Variants in SPATA1 observed in about 807,000 individuals in gnomAD.
The protein encoded by SPATA1 is spermatogenesis associated 1, also known as spermatogenesis-associated protein 1.
A neutral mutation model predicts 59.6 loss-of-function variants in SPATA1; 57 were observed. The ratio of observed to expected loss-of-function variants is 0.96; its 90% CI spans 0.77 to 1.19. The LOEUF is 1.19. SPATA1 is among the 50% of genes most tolerant of loss of function. SPATA1 has a pLI of 0.00. For synonymous variants in SPATA1, 147 were observed against 163.9 expected (o/e 0.90, Z 0.79); for missense variants, 448 against 480.7 (o/e 0.93, Z 0.64).
At chr1:84,554,538 T>C (rs1684370404) in exon 13 of SPATA1, 2 of 158,268 alleles carry the variant, frequency 1.3e-5, no homozygotes, top group African/African-American at 2.4e-5. Flanking sequence ...CACTACATTG[T>C]AGGTTTTAAA....
chr1:84,515,868 T>C (rs1390738913), intron 1 of SPATA1, among the ~76,000 whole-genome samples: 2 of 152,198 alleles, frequency 1.3e-5, no homozygotes, highest in Non-Finnish European at 2.9e-5. Context: ...ACTAAAACTT[T>C]AGGCATGCTT....
intron 2 of SPATA1, among the ~76,000 whole-genome samples, chr1:84,517,538 C>T (rs1048920165): frequency 1.3e-5 from 2 of 152,008 alleles, no homozygotes; most frequent in African/African-American, 4.8e-5. Flanking sequence ...ATTTTTTTCC[C>T]TTCCCTAAAA....
At chr1:84,566,766 G>C (rs1054274129), downstream of SPATA1, among the ~76,000 whole-genome samples, 3 of 152,242 alleles carry the variant, frequency 2.0e-5, no homozygotes, top group African/African-American at 7.2e-5. Context: ...CCACATAGCT[G>C]GGATTACAGG....
intron 11 of SPATA1, 136 bp downstream of exon 11, chr1:84,549,100 C>A: frequency 2.4e-6 from 2 of 841,914 alleles, no homozygotes; most frequent in Non-Finnish European, 3.4e-6. Flanking sequence ...AAACTCATGA[C>A]CTTATGTAAT....
intron 12 of SPATA1, chr1:84,551,363 A>C: frequency 1.3e-6 from 1 of 770,862 alleles, no homozygotes; most frequent in African/African-American, 1.9e-5. Context: ...GGTTTCAGAT[A>C]AAAATAAAAA....
downstream of SPATA1, among the ~76,000 whole-genome samples, chr1:84,557,547 A>AG (rs1684475078): frequency 2.3e-5 from 3 of 132,800 alleles, no homozygotes; most frequent in African/African-American, 1.0e-4. Flanking sequence ...AAAAAAAAAA[A>AG]AAAAAAGAAA....
chr1:84,554,909 A>G, downstream of SPATA1: 1 of 1,015,754 alleles, frequency 9.8e-7, no homozygotes, highest in Non-Finnish European at 1.5e-6. Context: ...ACGGATAACA[A>G]AAGTATATAG....
At position 84,548,781 on chromosome 1, in the gene SPATA1, T is replaced by TTTGCC; in HGVS notation, c.947-5_947-4insTTGCC. ...TTTTTTTTTTTTTTTTTTTTTTTTT[T>TTTGCC]ATAGCCTACAATGGTTGGAAGAAAA... On this transcript the variant is annotated splice_region_variant and splice_polypyrimidine_tract_variant and intron_variant, in intron 10 of 12. Transcript: ENST00000490879. The TTTGCC allele has an allele frequency of 1.3e-6, 1 of 762,506 alleles. No individual in the cohort carries two copies. The highest frequency in any genetic ancestry group is 1.6e-6 in the Non-Finnish European group (1 of 606,972). The allele number at this position is 762,506 out of a possible 1,614,324, so 47.2% of individuals were successfully genotyped here. A position where few individuals can be genotyped will look rare whatever the true frequency, so the allele number is the denominator to read the frequency against.
chr1:84,534,533 G>C (rs1683594945), intron 8 of SPATA1, among the ~76,000 whole-genome samples: 1 of 152,056 alleles, frequency 6.6e-6, no homozygotes, highest in Non-Finnish European at 1.5e-5. Flanking sequence ...TATATAGTTA[G>C]TAAGTACTAG....
At chr1:84,559,943 G>A (rs771574830) in intron 4 of SPATA1, among the ~76,000 whole-genome samples, 7 of 151,744 alleles carry the variant, frequency 4.6e-5, no homozygotes, top group Admixed American at 1.3e-4. Context: ...AAATTAGCCC[G>A]GCATAGTGGC....
chr1:84,552,772 T>C (rs1299550275), intron 12 of SPATA1: 2 of 262,070 alleles, frequency 7.6e-6, no homozygotes, highest in East Asian at 1.4e-4. Flanking sequence ...CTCTAGTTTT[T>C]AGAACAGTTC....
chr1:84,526,091 T>C lies in SPATA1; in HGVS notation c.544+18T>C. 1 of 1,582,526 alleles carries C rather than the reference T, an allele frequency of 6.3e-7. No homozygotes were observed. The highest frequency in any genetic ancestry group is 8.6e-7 in the Non-Finnish European group (1 of 1,161,574). ...GGAAGAAGGTGATTTTAAACTGGAA[T>C]GGGAAAAAGAAAGAGGCTATTATAG... is the stretch of plus-strand genomic sequence containing the variant. On this transcript the variant is annotated intron_variant, in intron 6 of 12. Transcript: ENST00000490879.
chr1:84,520,487 T>C lies in SPATA1; in HGVS notation c.37-98T>C, dbSNP rs312399. Reference sequence around the variant, plus strand: ...GGGATGTATGTATTCCATGTTTTTTTTCTATTGTGTTTATTAAACTTAATT... The same window carrying C: ...GGGATGTATGTATTCCATGTTTTTTCTCTATTGTGTTTATTAAACTTAATT... On this transcript the variant is annotated intron_variant, in intron 2 of 12. Coordinates refer to ENST00000490879, the Ensembl canonical transcript of SPATA1. 3.6e-3 allele frequency: 2,679 copies of C among 753,116 alleles called. 49 individuals are homozygous for C. The African/African-American group carries it at 0.04, about 11-fold the overall frequency. 46.7% of individuals were successfully genotyped at this position (753,116 alleles called of 1,614,324 possible). A position where few individuals can be genotyped will look rare whatever the true frequency, so the allele number is the denominator to read the frequency against.
intron 2 of SPATA1, chr1:84,520,264 G>T (rs964071212): frequency 3.4e-5 from 8 of 235,858 alleles, no homozygotes; most frequent in Admixed American, 6.0e-5. Context: ...GTGAGGTAAA[G>T]TTGATGTTAA....
intron 4 of SPATA1, among the ~76,000 whole-genome samples, chr1:84,525,216 C>T (rs1233795883): frequency 2.0e-5 from 3 of 152,240 alleles, no homozygotes; most frequent in African/African-American, 7.2e-5. Context: ...ATCTGCCCAA[C>T]TTGGCCTCCC....
downstream of SPATA1, among the ~76,000 whole-genome samples, chr1:84,559,350 G>A (rs1448355796): frequency 6.6e-6 from 1 of 152,196 alleles, no homozygotes; most frequent in Non-Finnish European, 1.5e-5. Context: ...GCTAGGCGCG[G>A]TAGCTCACGC....
chr1:84,508,410 A>G (rs1342808455), intron 1 of SPATA1, among the ~76,000 whole-genome samples: 2 of 152,232 alleles, frequency 1.3e-5, no homozygotes, highest in Non-Finnish European at 2.9e-5. Flanking sequence ...TTGACCTTCC[A>G]CAATGATCTA....
At chr1:84,526,673 C>T (rs1181361644) in intron 6 of SPATA1, among the ~76,000 whole-genome samples, 1 of 151,838 alleles carries the variant, frequency 6.6e-6, no homozygotes, top group East Asian at 1.9e-4. Flanking sequence ...TTGAGACCAG[C>T]TTGGGCAACA....
intron 1 of SPATA1, among the ~76,000 whole-genome samples, chr1:84,514,695 C>T (rs1682719109): frequency 6.6e-6 from 1 of 152,046 alleles, no homozygotes; most frequent in Admixed American, 6.6e-5. Flanking sequence ...GGGACGGGCA[C>T]AGTGGTGGCT....
Sources: allele counts gnomAD v4.1 joint callset (sites outside exome capture counted in the v4.1 genomes callset), GRCh38; gene constraint gnomAD v4.1.1; transcripts MANE v1.5; gene names NCBI Gene and HGNC (gene_info 2026-07-23, HGNC 2026-07-21).